The following CEP72 variants were observed in gnomAD, a reference collection of about 807,000 sequenced individuals.
The protein encoded by CEP72 is centrosomal protein of 72 kDa.
In CEP72, 78 loss-of-function variants were observed where a neutral mutation model predicts 65.7. The ratio of observed to expected loss-of-function variants is 1.19; its 90% confidence interval spans 0.99 to 1.43. CEP72 has a LOEUF of 1.43. Ranked by LOEUF, CEP72 falls within the 40% of genes most tolerant of loss-of-function variation. The pLI is 0.00. For missense variants in CEP72, 914 were observed against 832.9 expected, an observed-to-expected ratio of 1.10 and a Z score of -1.20; for synonymous variants, 358 against 351.7, an observed-to-expected ratio of 1.02 and a Z score of -0.20.
At chr5:670,652 C>A (rs1488759164), downstream of CEP72, among the ~76,000 whole-genome samples, 1 of 152,128 alleles carries the variant, frequency 6.6e-6, no homozygotes, top group African/African-American at 2.4e-5. Context: ...CACGTCGCTC[C>A]GAGTTCTCAC....
At chr5:652,417 T>C (rs1739168434) in intron 11 of CEP72, among the ~76,000 whole-genome samples, 1 of 152,216 alleles carries the variant, frequency 6.6e-6, no homozygotes, top group African/African-American at 2.4e-5. Context: ...ATACTTGTAA[T>C]GCCCTGAGTG....
chr5:622,058 G>C (rs1361652167), intron 3 of CEP72, among the ~76,000 whole-genome samples: 2 of 152,218 alleles, frequency 1.3e-5, no homozygotes, highest in Non-Finnish European at 2.9e-5. Flanking sequence ...ACAGGCGTGG[G>C]CCACTGAGCC....
chr5:634,483 G>A (rs987538119), intron 5 of CEP72, among the ~76,000 whole-genome samples: 1 of 152,236 alleles, frequency 6.6e-6, no homozygotes, highest in African/African-American at 2.4e-5. Context: ...GGAGACCTGA[G>A]TTTGGGCTGA....
chr5:640,638 G>C, intron 9 of CEP72, 34 bp downstream of exon 9: 1 of 1,575,906 alleles, frequency 6.3e-7, no homozygotes, highest in Non-Finnish European at 8.6e-7. Context: ...CTGTGTCCAT[G>C]TGACTGGGGG....
At chr5:654,972 C>A (rs971721325), downstream of CEP72, among the ~76,000 whole-genome samples, 1 of 152,096 alleles carries the variant, frequency 6.6e-6, no homozygotes. Flanking sequence ...TGTCCTGTTG[C>A]GAGGCTTACT....
intron 1 of CEP72, chr5:662,395 G>C (rs1216528290): frequency 1.3e-5 from 2 of 152,500 alleles, no homozygotes; most frequent in Non-Finnish European, 2.9e-5. Context: ...CAGGGACCAG[G>C]AGGCAGCGTC....
intron 6 of CEP72, among the ~76,000 whole-genome samples, chr5:637,063 C>T (rs1354834281): frequency 6.6e-6 from 1 of 152,182 alleles, no homozygotes; most frequent in Non-Finnish European, 1.5e-5. Context: ...CTTGTGTGTC[C>T]TGGGGGCTTA....
At chr5:664,616 A>G (rs1019284977) in intron 2 of CEP72, 6 of 166,552 alleles carry the variant, frequency 3.6e-5, no homozygotes, top group Admixed American at 1.2e-4. Context: ...TCCGCTGCAC[A>G]CAGGACAGGC....
At position 664,738 on chromosome 5, in the gene CEP72, G is replaced by A. The variant is rs1386164211; in HGVS notation, n.288-442G>A. The A allele has an allele frequency of 2.7e-5, 6 of 224,994 alleles. No individual in the cohort carries two copies. The Admixed American group carries it at 2.7e-4, about 10-fold the overall frequency. The allele number at this position is 224,994 out of a possible 1,614,324, so 13.9% of individuals were successfully genotyped here. A position where few individuals can be genotyped will look rare whatever the true frequency, so the allele number is the denominator to read the frequency against. ...TCAGGGCTCCTGGAAGGTGTCTGCC[G>A]CTCAGGAGGTCAGCACAGCCTCCTG... is the stretch of plus-strand genomic sequence containing the variant. On this transcript the variant is annotated intron_variant and non_coding_transcript_variant, in intron 2 of 4. Coordinates refer to the CEP72 transcript ENST00000514507.
At chr5:660,507 T>C (rs1191831297), downstream of CEP72, 1 of 152,426 alleles carries the variant, frequency 6.6e-6, no homozygotes, top group Non-Finnish European at 1.5e-5. Flanking sequence ...TTCTAGCCTA[T>C]TGATAACATC....
At chr5:640,725 A>C (rs1737957855) in intron 9 of CEP72, 121 bp downstream of exon 9, 1 of 1,443,802 alleles carries the variant, frequency 6.9e-7, no homozygotes, top group Non-Finnish European at 9.1e-7. Context: ...CTGCAGCCCC[A>C]TGTCTCCACT....
the CEP72 span, among the ~76,000 whole-genome samples, chr5:673,232 C>T: frequency 8.5e-5 from 13 of 152,322 alleles, no homozygotes; most frequent in Admixed American, 2.6e-4. Context: ...GTGTCCCCAA[C>T]GCCTCGTGGT....
intron 4 of CEP72, among the ~76,000 whole-genome samples, chr5:628,492 G>A (rs1361566203): frequency 1.7e-4 from 25 of 146,922 alleles, no homozygotes; most frequent in African/African-American, 6.1e-4. Flanking sequence ...TGCCGTCCCT[G>A]GGGAGTGTTC....
At chr5:618,522 C>T (rs1239821843) in intron 1 of CEP72, among the ~76,000 whole-genome samples, 1 of 152,052 alleles carries the variant, frequency 6.6e-6, no homozygotes, top group Non-Finnish European at 1.5e-5. Flanking sequence ...TATTCAGAAC[C>T]ATTGAGGTGG....
chr5:650,383 T>C (rs1399932473), intron 11 of CEP72, among the ~76,000 whole-genome samples: 4 of 74,970 alleles, frequency 5.3e-5, no homozygotes, highest in Admixed American at 1.4e-4. Context: ...GCGTGGACTG[T>C]GAGGTGTGAC....
chr5:625,206 CG>C (rs1485891773), intron 4 of CEP72, among the ~76,000 whole-genome samples: 1 of 152,194 alleles, frequency 6.6e-6, no homozygotes, highest in Non-Finnish European at 1.5e-5. Context: ...AGAGAGACTT[CG>C]TGCTTTGTTT....
At chr5:638,097 C>G (rs954690534) in intron 7 of CEP72, among the ~76,000 whole-genome samples, 6 of 152,208 alleles carry the variant, frequency 3.9e-5, no homozygotes, top group African/African-American at 1.4e-4. Context: ...AGGGTGCTTG[C>G]TGCTGCGTTT....
downstream of CEP72, among the ~76,000 whole-genome samples, chr5:669,077 G>A (rs944587330): frequency 6.6e-6 from 1 of 152,190 alleles, no homozygotes; most frequent in South Asian, 2.1e-4. Flanking sequence ...CCAAGTGCTC[G>A]GGGTCCCACA....
intron 11 of CEP72, among the ~76,000 whole-genome samples, chr5:648,675 C>A (rs573094248): frequency 0.014 from 1,286 of 92,284 alleles, 167 homozygotes; most frequent in South Asian, 0.035. Context: ...GAGGTGTGGA[C>A]TGTGAGGCGT....
Sources: allele counts gnomAD v4.1 joint callset (sites outside exome capture counted in the v4.1 genomes callset), GRCh38; gene constraint gnomAD v4.1.1; transcripts MANE v1.5; gene names NCBI Gene and HGNC (gene_info 2026-07-23, HGNC 2026-07-21).